ARHGAP26: variants seen among roughly 807,000 people sequenced by gnomAD.
ARHGAP26 encodes the protein Rho GTPase activating protein 26.
In ARHGAP26, 38 loss-of-function variants were observed where a neutral mutation model predicts 104.8. That is an observed-to-expected ratio of 0.36 (90% CI 0.28 to 0.48). The LOEUF is 0.48. ARHGAP26 is among the 20% of genes least tolerant of loss of function. The pLI is 0.99. For missense variants in ARHGAP26, 704 were observed against 947.9 expected (o/e 0.74, Z 3.38); for synonymous variants, 341 against 340.0 (o/e 1.00, Z -0.03).
intron 21 of ARHGAP26, among the ~76,000 whole-genome samples, chr5:143,210,540 G>A (rs1018210858): frequency 6.6e-6 from 1 of 152,152 alleles, no homozygotes; most frequent in East Asian, 1.9e-4. Flanking sequence ...TAGAGAAAGG[G>A]TGCTGGAGAC....
At chr5:142,813,932 C>T (rs996400326) in intron 1 of ARHGAP26, among the ~76,000 whole-genome samples, 1 of 152,200 alleles carries the variant, frequency 6.6e-6, no homozygotes, top group African/African-American at 2.4e-5. Context: ...CCTCTGAGGG[C>T]CAGCAGGGAA....
intron 17 of ARHGAP26, among the ~76,000 whole-genome samples, chr5:143,081,555 G>T (rs1462634435): frequency 4.6e-5 from 7 of 152,178 alleles, no homozygotes; most frequent in African/African-American, 7.2e-5. Flanking sequence ...ACCAGCTGGG[G>T]GACCTCCAGA....
chr5:143,071,231 C>CGAAGCTG (rs1333772736), intron 17 of ARHGAP26, among the ~76,000 whole-genome samples: 1 of 152,036 alleles, frequency 6.6e-6, no homozygotes, highest in Non-Finnish European at 1.5e-5. Flanking sequence ...AAATATACTA[C>CGAAGCTG]GAAGCTGTAG....
intron 1 of ARHGAP26, among the ~76,000 whole-genome samples, chr5:142,822,747 TC>T (rs767658666): frequency 6.8e-4 from 103 of 152,354 alleles, no homozygotes; most frequent in Non-Finnish European, 7.8e-4. Flanking sequence ...TGTGTGTGCT[TC>T]TTACTGGTCT....
chr5:142,936,587 A>G (rs1485295858), intron 11 of ARHGAP26, among the ~76,000 whole-genome samples: 1 of 152,186 alleles, frequency 6.6e-6, no homozygotes, highest in Non-Finnish European at 1.5e-5. Flanking sequence ...AAAAAGAAGA[A>G]TGAATTGGAA....
rs879361244 is a variant in ARHGAP26 at position 143,221,919 on chromosome 5, T to TGGAA, written c.2192-436_2192-435insAGGA. ...GATACTGGGCAGGTGGGTGGGTGGA[T>TGGAA]GGATGGAAGGAAGGAAGGAAGGAAG... On this transcript the variant is annotated intron_variant, in intron 22 of 22. Coordinates refer to ENST00000645722, the MANE Select transcript of ARHGAP26 (RefSeq NM_001135608.3). Among the ~76,000 whole-genome samples the TGGAA allele has an allele frequency of 6.2e-3, 645 of 104,078 alleles. 22 individuals carry two copies. Among genetic ancestry groups the TGGAA allele is most frequent in the Admixed American group, 0.057 (606 of 10,640 alleles). The allele number at this position is 104,078 out of a possible 152,430, so 68.3% of individuals were successfully genotyped here. A position where few individuals can be genotyped will look rare whatever the true frequency, so the allele number is the denominator to read the frequency against.
chr5:142,824,037 T>C (rs1452516994), intron 1 of ARHGAP26, among the ~76,000 whole-genome samples: 1 of 152,232 alleles, frequency 6.6e-6, no homozygotes, highest in Non-Finnish European at 1.5e-5. Context: ...GTTCCAGGGC[T>C]GGATGTGACT....
intron 20 of ARHGAP26, among the ~76,000 whole-genome samples, chr5:143,188,122 A>G (rs1478710347): frequency 1.3e-5 from 2 of 152,264 alleles, no homozygotes; most frequent in African/African-American, 4.8e-5. Context: ...ACATATTTCC[A>G]GAGCCAAAAA....
Position 143,120,971 on chromosome 5 carries a change from C to G in ARHGAP26, c.1539-17C>G. 1 of 1,608,592 alleles carries G rather than the reference C, an allele frequency of 6.2e-7. No individual in the cohort carries two copies. Among genetic ancestry groups the G allele is most frequent in the Non-Finnish European group, 8.5e-7 (1 of 1,176,874 alleles). ...ACGATTTGTCTCATTGGTACCTTTT[C>G]TTTTCCTTCCTCCCAGTGTTGCTAA... is the stretch of plus-strand genomic sequence containing the variant. On this transcript the variant is annotated splice_polypyrimidine_tract_variant and intron_variant, in intron 17 of 22. Transcript: ENST00000645722.
At chr5:142,935,071 G>A (rs370417168) in intron 11 of ARHGAP26, among the ~76,000 whole-genome samples, 25 of 152,214 alleles carry the variant, frequency 1.6e-4, no homozygotes, top group African/African-American at 3.4e-4. Context: ...TTTTATCTAC[G>A]TAGTAAATTT....
At chr5:143,173,390 G>A (rs900552743) in intron 20 of ARHGAP26, among the ~76,000 whole-genome samples, 6 of 152,132 alleles carry the variant, frequency 3.9e-5, no homozygotes, top group Admixed American at 2.6e-4. Flanking sequence ...CAGGAGCCAC[G>A]AGGGCCTAGA....
At chr5:143,152,498 C>A (rs1039669194) in intron 20 of ARHGAP26, among the ~76,000 whole-genome samples, 4 of 152,208 alleles carry the variant, frequency 2.6e-5, no homozygotes, top group Non-Finnish European at 5.9e-5. Context: ...AGATGATACT[C>A]TCTGGTCTCT....
At chr5:142,960,469 A>G (rs1005985362) in intron 11 of ARHGAP26, among the ~76,000 whole-genome samples, 11 of 152,236 alleles carry the variant, frequency 7.2e-5, no homozygotes, top group African/African-American at 2.4e-4. Flanking sequence ...AATCGCCCAG[A>G]GCGTGAATCA....
At chr5:142,850,549 GTTA>G (rs1427953216) in intron 1 of ARHGAP26, among the ~76,000 whole-genome samples, 1 of 152,184 alleles carries the variant, frequency 6.6e-6, no homozygotes, top group Non-Finnish European at 1.5e-5. Flanking sequence ...AACTTTCGAA[GTTA>G]TTAGCTATAT....
rs369464916 is a variant in ARHGAP26, at chr5:143,134,040, C to T, written c.1772C>T (p.Ser591Phe). ...LHLSRKKSSD[S>F]KPPSCSERPL... Reference sequence around the variant, plus strand: ...CTGTCTCGGAAGAAGAGCAGTGACTCCAAGCCCCCGTCCTGCAGCGAGAGG... The same window carrying T: ...CTGTCTCGGAAGAAGAGCAGTGACTTCAAGCCCCCGTCCTGCAGCGAGAGG... Residue 591 changes from serine (S) to phenylalanine (F), a missense_variant, in exon 19 of 23, where the codon TCC becomes TTC. Ser to Phe is a radical substitution (Grantham distance 155). Around this residue, in one of 6 missense-constraint regions of ARHGAP26, gnomAD observed 217 missense variants for 242.6 expected, o/e 0.89. Coordinates refer to ENST00000645722, the MANE Select transcript of ARHGAP26 (RefSeq NM_001135608.3). The T allele has an allele frequency of 6.2e-7, 1 of 1,613,468 alleles. No homozygotes were observed. The highest frequency in any genetic ancestry group is 1.3e-5 in the African/African-American group (1 of 75,040).
intron 20 of ARHGAP26, among the ~76,000 whole-genome samples, chr5:143,171,123 G>A (rs1802710319): frequency 6.6e-6 from 1 of 152,208 alleles, no homozygotes; most frequent in Non-Finnish European, 1.5e-5. Context: ...AAAAAGAATG[G>A]GAGGAATGTT....
chr5:143,152,111 T>A (rs1388906392), intron 20 of ARHGAP26, among the ~76,000 whole-genome samples: 6 of 152,086 alleles, frequency 3.9e-5, no homozygotes, highest in Admixed American at 6.6e-5. Flanking sequence ...GCACAGGGTA[T>A]TTTTTTCGCG....
rs76203576 is a variant in ARHGAP26, at chr5:142,821,741, C to T, written c.154+50826C>T. On this transcript the variant is annotated intron_variant, in intron 1 of 22. Transcript: ENST00000645722. Reference sequence around the variant, plus strand: ...ACCCTTCCCATTTGGTGACAATTTCCAGTGCCAACTCTGTGTAGGAGGAAT... The same window carrying T: ...ACCCTTCCCATTTGGTGACAATTTCTAGTGCCAACTCTGTGTAGGAGGAAT... Among the ~76,000 whole-genome samples the T allele has an allele frequency of 6.1e-3, 927 of 152,254 alleles. 38 individuals are homozygous for T. The East Asian group carries it at 0.12, about 20-fold the overall frequency.
At chr5:142,795,978 C>A (rs1467052011) in intron 1 of ARHGAP26, among the ~76,000 whole-genome samples, 5 of 152,096 alleles carry the variant, frequency 3.3e-5, no homozygotes, top group Non-Finnish European at 7.4e-5. Context: ...TCCCACTTCT[C>A]TGCTCTACTT....
Sources: allele counts gnomAD v4.1 joint callset (sites outside exome capture counted in the v4.1 genomes callset), GRCh38; gene constraint gnomAD v4.1.1; regional missense constraint gnomAD v4.1.1; transcripts MANE v1.5; gene names NCBI Gene and HGNC (gene_info 2026-07-23, HGNC 2026-07-21).